KRAS: variants seen among roughly 807,000 people sequenced by gnomAD.
KRAS encodes GTPase KRas.
In KRAS, 1 loss-of-function variant was observed where a neutral mutation model predicts 21.0. The ratio of observed to expected loss-of-function variants is 0.05; its 90% CI spans 0.02 to 0.23. The LOEUF is 0.23. Among genes scored for constraint, KRAS ranks in the 10% least tolerant of loss-of-function variants. The pLI is 1.00. For missense variants in KRAS, 107 were observed against 221.8 expected, an observed-to-expected ratio of 0.48 and a Z score of 3.29; for synonymous variants, 67 against 72.5, an observed-to-expected ratio of 0.92 and a Z score of 0.39.
intron 4 of KRAS, among the ~76,000 whole-genome samples, chr12:25,213,171 GT>G (rs1951216538): frequency 6.6e-6 from 1 of 151,744 alleles, no homozygotes; most frequent in Admixed American, 6.6e-5. Flanking sequence ...ACAAGGATTC[GT>G]CACATCAAAC....
At chr12:25,216,322 CA>C (rs1187150274) in intron 4 of KRAS, among the ~76,000 whole-genome samples, 5 of 152,086 alleles carry the variant, frequency 3.3e-5, no homozygotes, top group African/African-American at 1.2e-4. Flanking sequence ...CTGGGTTGCC[CA>C]GGATGGAGTG....
In KRAS at chr12:25,208,181, T is replaced by C. The variant is rs1951161375; in HGVS notation, c.*1614A>G. ...TTACATAGTTGTAAAAAAAAAAAAC[T>C]AAGAGTTTGAGATGACTTCTTTTAA... On this transcript the variant is annotated 3_prime_UTR_variant, in exon 5 of 5. Transcript: ENST00000311936. The C allele has an allele frequency of 4.4e-6, 1 of 224,754 alleles. No homozygotes were observed. The highest frequency in any genetic ancestry group is 8.8e-6 in the Non-Finnish European group (1 of 114,008). 13.9% of individuals were successfully genotyped at this position (224,754 alleles called of 1,614,324 possible). A position where few individuals can be genotyped will look rare whatever the true frequency, so the allele number is the denominator to read the frequency against.
rs1402834660 is a variant in KRAS at position 25,206,779 on chromosome 12, T to C, written c.*3016A>G. 1 of 196,630 alleles carries C rather than the reference T, an allele frequency of 5.1e-6. No individual in the cohort carries two copies. 12.2% of individuals were successfully genotyped at this position (196,630 alleles called of 1,614,324 possible). On this transcript the variant is annotated 3_prime_UTR_variant, in exon 5 of 5. Transcript: ENST00000311936. The stretch of plus-strand genomic sequence containing the variant: ...GTGAACTAGTTCAGGCACCTGTTTA[T>C]TTGTACCCAGATAAAACTATTAATT...
At position 25,207,765 on chromosome 12, in the gene KRAS, C is replaced by T. The variant is rs1951154319; in HGVS notation, c.*2030G>A. The T allele has an allele frequency of 4.3e-6, 1 of 232,852 alleles. No homozygotes were observed. The highest frequency in any genetic ancestry group is 8.5e-6 in the Non-Finnish European group (1 of 117,904). 14.4% of individuals were successfully genotyped at this position (232,852 alleles called of 1,614,324 possible). A position where few individuals can be genotyped will look rare whatever the true frequency, so the allele number is the denominator to read the frequency against. ...GCAAAGAGATGTTCAAAGCATCAGC[C>T]ACCACCTGAAAATTAGTGATTAGGT... On this transcript the variant is annotated 3_prime_UTR_variant, in exon 5 of 5. Transcript: ENST00000311936.
intron 3 of KRAS, among the ~76,000 whole-genome samples, chr12:25,226,614 T>C (rs1951395700): frequency 6.6e-6 from 1 of 152,206 alleles, no homozygotes. Context: ...GCTAACTCGT[T>C]ATTATATGAC....
intron 4 of KRAS, among the ~76,000 whole-genome samples, chr12:25,224,183 TAAAAAAA>T (rs5797121): frequency 3.8e-5 from 3 of 79,712 alleles, no homozygotes; most frequent in South Asian, 4.8e-4. Context: ...TCCTATTTAC[TAAAAAAA>T]AAAAAAAAAA....
At chr12:25,211,332 T>A (rs756608117) in intron 4 of KRAS, 4 of 152,218 alleles carry the variant, frequency 2.6e-5, no homozygotes, top group Non-Finnish European at 5.9e-5. Flanking sequence ...CCCAGCACTT[T>A]GGGAGGCCAA....
chr12:25,222,423 C>T (rs1951338665), intron 4 of KRAS, among the ~76,000 whole-genome samples: 2 of 151,942 alleles, frequency 1.3e-5, no homozygotes, highest in South Asian at 4.2e-4. Context: ...AAATTAATTT[C>T]TAGGCAAATC....
At chr12:25,225,802 G>A in intron 3 of KRAS, 29 bp from the exon 4 acceptor site, 1 of 1,597,284 alleles carries the variant, frequency 6.3e-7, no homozygotes, top group Non-Finnish European at 8.6e-7. Context: ...TTATAGCACA[G>A]TCATTAGTAA....
At chr12:25,230,353 G>A (rs1440753133) in intron 2 of KRAS, among the ~76,000 whole-genome samples, 1 of 152,138 alleles carries the variant, frequency 6.6e-6, no homozygotes, top group Non-Finnish European at 1.5e-5. Flanking sequence ...TCTTGGCCGG[G>A]TGCGATGGCT....
At chr12:25,229,185 G>A (rs1951433756) in intron 2 of KRAS, among the ~76,000 whole-genome samples, 1 of 152,142 alleles carries the variant, frequency 6.6e-6, no homozygotes, top group Non-Finnish European at 1.5e-5. Flanking sequence ...TGTACATGCT[G>A]GTAACAAAAA....
intron 2 of KRAS, among the ~76,000 whole-genome samples, chr12:25,236,596 A>G (rs953538097): frequency 4.6e-5 from 7 of 151,686 alleles, no homozygotes; most frequent in East Asian, 1.9e-4. Context: ...TCTGAACTAG[A>G]CTTTTGACTT....
In KRAS at chr12:25,221,933, G is replaced by A. The variant is rs1335306278; in HGVS notation, c.450+3681C>T. 5.3e-5 allele frequency among the ~76,000 whole-genome samples: 8 copies of A among 152,038 alleles called. No individual in the cohort carries two copies. The South Asian group carries it at 8.3e-4, about 16-fold the overall frequency. On this transcript the variant is annotated intron_variant, in intron 4 of 4. Transcript: ENST00000311936. ...TGGGAGGCCGAGGCAGGTGGATCAC[G>A]AGGTCAAGAGATCGAGACCATCCTG...
intron 2 of KRAS, among the ~76,000 whole-genome samples, chr12:25,231,592 A>C (rs1951471833): frequency 6.6e-6 from 1 of 152,168 alleles, no homozygotes; most frequent in Non-Finnish European, 1.5e-5. Context: ...GCAGTCCCCT[A>C]TTCACTGATA....
intron 2 of KRAS, among the ~76,000 whole-genome samples, chr12:25,244,093 C>T (rs1268708254): frequency 6.6e-6 from 1 of 152,100 alleles, no homozygotes; most frequent in African/African-American, 2.4e-5. Context: ...AAATATCTTC[C>T]CAAGGCCACC....
chr12:25,233,448 G>C (rs894568946), intron 2 of KRAS, among the ~76,000 whole-genome samples: 1 of 152,076 alleles, frequency 6.6e-6, no homozygotes, highest in African/African-American at 2.4e-5. Context: ...CAGCTATTTG[G>C]GGAGCTCAGG....
chr12:25,230,736 A>AAG (rs1951456725), intron 2 of KRAS, among the ~76,000 whole-genome samples: 1 of 152,156 alleles, frequency 6.6e-6, no homozygotes, highest in African/African-American at 2.4e-5. Context: ...TACATATTAG[A>AAG]CTATAATTTT....
In KRAS at chr12:25,207,038, C is replaced by A. The variant is rs1951146051; in HGVS notation, c.*2757G>T. The A allele has an allele frequency of 4.8e-6, 1 of 209,590 alleles. No individual in the cohort carries two copies. Among genetic ancestry groups the A allele is most frequent in the Non-Finnish European group, 9.7e-6 (1 of 103,132 alleles). The allele number at this position is 209,590 out of a possible 1,614,324, so 13.0% of individuals were successfully genotyped here. Reference sequence around the variant, plus strand: ...GAATCGTAGCAAAACAATTATAGAGCTGGCACAGAGACCAAACCCCTTCTT... The same window carrying A: ...GAATCGTAGCAAAACAATTATAGAGATGGCACAGAGACCAAACCCCTTCTT... On this transcript the variant is annotated 3_prime_UTR_variant, in exon 5 of 5. Coordinates refer to ENST00000311936, the MANE Select transcript of KRAS (RefSeq NM_004985.5).
At chr12:25,218,083 G>C (rs915059533) in intron 4 of KRAS, among the ~76,000 whole-genome samples, 1 of 152,040 alleles carries the variant, frequency 6.6e-6, no homozygotes, top group African/African-American at 2.4e-5. Flanking sequence ...GCTCTGTTAA[G>C]ATACTTTCAC....
Sources: gnomAD v4.1 joint callset for allele counts (sites outside exome capture counted in the v4.1 genomes callset) on GRCh38, gnomAD v4.1.1 for gene constraint, MANE v1.5 for transcripts, NCBI Gene and HGNC (gene_info 2026-07-23, HGNC 2026-07-21) for gene names.